Variants in PRKCH observed in about 807,000 individuals in gnomAD.
PRKCH encodes protein kinase C eta type.
In PRKCH, 28 loss-of-function variants were observed where a neutral mutation model predicts 82.5. The ratio of observed to expected loss-of-function variants is 0.34; its 90% confidence interval spans 0.25 to 0.47. PRKCH has a LOEUF of 0.47. PRKCH is among the 20% of genes least tolerant of loss of function. The probability of loss-of-function intolerance (pLI) is 1.00; values close to 1 mark genes in which losing one functional copy is unlikely to be tolerated. For synonymous variants in PRKCH, 322 were observed against 327.4 expected (o/e 0.98, Z 0.18); for missense variants, 705 against 881.8 (o/e 0.80, Z 2.54).
chr14:61,191,940 A>C (rs1190915632), intron 1 of PRKCH, among the ~76,000 whole-genome samples: 2 of 152,150 alleles, frequency 1.3e-5, no homozygotes, highest in African/African-American at 4.8e-5. Flanking sequence ...ATTCATGTAC[A>C]CTCAGCTCAT....
intron 9 of PRKCH, among the ~76,000 whole-genome samples, chr14:61,474,248 G>A (rs763351776): frequency 3.9e-5 from 6 of 152,190 alleles, no homozygotes; most frequent in East Asian, 3.8e-4. Flanking sequence ...GGGGTTTTAA[G>A]AACCTGTCTG....
intron 1 of PRKCH, among the ~76,000 whole-genome samples, chr14:61,222,175 A>G (rs2044661544): frequency 2.0e-5 from 3 of 152,198 alleles, no homozygotes; most frequent in African/African-American, 7.2e-5. Flanking sequence ...TCCCAGAGGC[A>G]TTGCTTTTTG....
chr14:61,397,566 G>A (rs1396008484), intron 2 of PRKCH, among the ~76,000 whole-genome samples: 1 of 152,302 alleles, frequency 6.6e-6, no homozygotes, highest in Non-Finnish European at 1.5e-5. Flanking sequence ...ATGAATTATA[G>A]TTTATCAAAC....
intron 10 of PRKCH, 150 bp downstream of exon 10, chr14:61,485,806 G>A (rs1485751370): frequency 1.8e-6 from 2 of 1,104,732 alleles, no homozygotes; most frequent in African/African-American, 1.6e-5. Context: ...TTTTGAGACA[G>A]GGTCTCACTC....
intron 1 of PRKCH, among the ~76,000 whole-genome samples, chr14:61,296,000 G>C (rs968024283): frequency 3.9e-5 from 6 of 152,120 alleles, no homozygotes; most frequent in Non-Finnish European, 5.9e-5. Flanking sequence ...GCTAGGGATT[G>C]ATATGATCTT....
At chr14:61,508,567 T>A (rs879772073) in intron 10 of PRKCH, among the ~76,000 whole-genome samples, 15 of 152,122 alleles carry the variant, frequency 9.9e-5, no homozygotes, top group Admixed American at 2.0e-4. Flanking sequence ...TTCTGGTCAG[T>A]CTTCTGCGGG....
At position 61,482,114 on chromosome 14, in the gene PRKCH, C is replaced by A. The variant is rs144596022; in HGVS notation, c.1279-3388C>A. Among the ~76,000 whole-genome samples the A allele has an allele frequency of 2.2e-3, 338 of 151,646 alleles. 3 individuals carry two copies. Among genetic ancestry groups the A allele is most frequent in the Non-Finnish European group, 1.1e-3 (77 of 67,926 alleles). On this transcript the variant is annotated intron_variant, in intron 9 of 13. Coordinates refer to ENST00000332981, the MANE Select transcript of PRKCH (RefSeq NM_006255.5). ...GGTTCAAGTGATTCTCCTGCCTCAG[C>A]CTCCCAAGTAGCTGGAATTAGAGGT...
chr14:61,221,322 G>C (rs1425265798), intron 1 of PRKCH, among the ~76,000 whole-genome samples: 1 of 152,118 alleles, frequency 6.6e-6, no homozygotes, highest in Non-Finnish European at 1.5e-5. Flanking sequence ...TAACATTATG[G>C]GTTACAAGTA....
At chr14:61,499,078 A>G (rs1268621224) in intron 10 of PRKCH, among the ~76,000 whole-genome samples, 4 of 152,168 alleles carry the variant, frequency 2.6e-5, no homozygotes, top group Non-Finnish European at 4.4e-5. Flanking sequence ...TCATTAAGCC[A>G]TGCATGTTAG....
intron 1 of PRKCH, among the ~76,000 whole-genome samples, chr14:61,333,436 G>T (rs2045814832): frequency 6.6e-6 from 1 of 152,146 alleles, no homozygotes; most frequent in Non-Finnish European, 1.5e-5. Context: ...CTAACATTCA[G>T]GGTGTGGTTC....
chr14:61,263,883 G>A (rs1244748720), intron 1 of PRKCH, among the ~76,000 whole-genome samples: 1 of 148,398 alleles, frequency 6.7e-6, no homozygotes, highest in Non-Finnish European at 1.5e-5. Flanking sequence ...GTGTGTGTGT[G>A]TGTGTGTGTG....
At chr14:61,298,155 A>T (rs1417015781) in intron 1 of PRKCH, 1 of 152,528 alleles carries the variant, frequency 6.6e-6, no homozygotes, top group Non-Finnish European at 1.5e-5. Context: ...GCTCTGCCTG[A>T]GGCCTTGTGT....
chr14:61,510,582 T>C (rs570593646), intron 10 of PRKCH, among the ~76,000 whole-genome samples: 182 of 152,192 alleles, frequency 1.2e-3, no homozygotes, highest in Non-Finnish European at 2.1e-3. Flanking sequence ...TTTTTGTGTT[T>C]AAAGAAACAC....
At chr14:61,380,420 G>T (rs181178251) in intron 1 of PRKCH, among the ~76,000 whole-genome samples, 1 of 152,208 alleles carries the variant, frequency 6.6e-6, no homozygotes, top group African/African-American at 2.4e-5. Context: ...GCAGAGTCTT[G>T]CCTGGCATCC....
chr14:61,235,106 G>C (rs1054755072), intron 1 of PRKCH, among the ~76,000 whole-genome samples: 4 of 152,200 alleles, frequency 2.6e-5, no homozygotes, highest in African/African-American at 9.6e-5. Context: ...CCTGGAGGGA[G>C]TTCTTCTGAT....
intron 2 of PRKCH, among the ~76,000 whole-genome samples, chr14:61,436,687 C>CA (rs1028350504): frequency 6.6e-6 from 1 of 152,156 alleles, no homozygotes; most frequent in Non-Finnish European, 1.5e-5. Flanking sequence ...TGCCCGCCAC[C>CA]AGGCCTGGCT....
intron 12 of PRKCH, among the ~76,000 whole-genome samples, chr14:61,538,114 A>G (rs1333488924): frequency 6.6e-6 from 1 of 152,228 alleles, no homozygotes; most frequent in Admixed American, 6.5e-5. Context: ...AAGAGGAGGG[A>G]AAAATGGGAC....
intron 1 of PRKCH, among the ~76,000 whole-genome samples, chr14:61,345,806 A>G (rs1417715189): frequency 6.6e-6 from 1 of 151,886 alleles, no homozygotes; most frequent in Admixed American, 6.6e-5. Flanking sequence ...TGGGAGGCCA[A>G]GGCAGGAGGA....
chr14:61,224,122 A>G (rs1454872415), intron 1 of PRKCH, among the ~76,000 whole-genome samples: 1 of 151,660 alleles, frequency 6.6e-6, no homozygotes, highest in Non-Finnish European at 1.5e-5. Flanking sequence ...ACCCAGTCCC[A>G]CTCCCCTGTA....
Sources: gnomAD v4.1 joint callset for allele counts (sites outside exome capture counted in the v4.1 genomes callset) on GRCh38, gnomAD v4.1.1 for gene constraint, MANE v1.5 for transcripts, NCBI Gene and HGNC (gene_info 2026-07-23, HGNC 2026-07-21) for gene names.